The following HUNK variants were observed in gnomAD, a reference collection of about 807,000 sequenced individuals.
The protein encoded by HUNK is hormonally up-regulated Neu-associated kinase.
HUNK carries 21 observed loss-of-function variants against 61.0 expected under a neutral mutation model. The ratio of observed to expected loss-of-function variants is 0.34; its 90% CI spans 0.24 to 0.50. HUNK has a LOEUF of 0.50. Among genes scored for constraint, HUNK ranks in the 20% least tolerant of loss-of-function variants. The probability of loss-of-function intolerance (pLI) is 0.98; values close to 1 mark genes in which losing one functional copy is unlikely to be tolerated. For synonymous variants in HUNK, 371 were observed against 386.1 expected (o/e 0.96, Z 0.46); for missense variants, 772 against 945.7 (o/e 0.82, Z 2.41).
At chr21:31,932,061 CCA>C (rs147471217) in intron 2 of HUNK, among the ~76,000 whole-genome samples, 6,261 of 152,256 alleles carry the variant, frequency 0.041, 161 homozygotes, top group Middle Eastern at 0.12. Flanking sequence ...ATGCACACAC[CCA>C]CACACGTACA....
At chr21:31,959,035 G>C in intron 5 of HUNK, 65 bp downstream of exon 5, 2 of 1,414,338 alleles carry the variant, frequency 1.4e-6, no homozygotes, top group South Asian at 1.6e-5. Flanking sequence ...GGGTCTACCT[G>C]TGAAACAGTA....
Position 31,983,522 on chromosome 21 carries a change from G to T in HUNK, c.1174-4G>T. 1 of 1,611,842 alleles carries T rather than the reference G, an allele frequency of 6.2e-7. No individual in the cohort carries two copies. The highest frequency in any genetic ancestry group is 8.5e-7 in the Non-Finnish European group (1 of 1,178,244). ...GCTGTGCTTTTTCTTTTCTCCTCTG[G>T]TAGAAATCTGACATCCAGGACAGCC... is the stretch of plus-strand genomic sequence containing the variant. On this transcript the variant is annotated splice_polypyrimidine_tract_variant and splice_region_variant and intron_variant, in intron 7 of 10. Transcript: ENST00000270112.
intron 1 of HUNK, among the ~76,000 whole-genome samples, chr21:31,901,585 C>G (rs938161612): frequency 5.3e-5 from 8 of 152,062 alleles, no homozygotes; most frequent in African/African-American, 1.9e-4. Context: ...GGACCCAGGG[C>G]CAGTCACATC....
chr21:31,945,442 G>A (rs1486004774), intron 3 of HUNK, among the ~76,000 whole-genome samples: 1 of 152,114 alleles, frequency 6.6e-6, no homozygotes, highest in Admixed American at 6.5e-5. Flanking sequence ...AGCATTCAGG[G>A]TTGTTTAAAC....
chr21:31,963,925 T>C (rs1224407331), intron 5 of HUNK, among the ~76,000 whole-genome samples: 1 of 152,252 alleles, frequency 6.6e-6, no homozygotes, highest in African/African-American at 2.4e-5. Flanking sequence ...CAGAACATGC[T>C]TCCAAAGAAC....
intron 7 of HUNK, among the ~76,000 whole-genome samples, chr21:31,979,515 CTTTTTTTTTTT>C (rs71193166): frequency 3.9e-3 from 135 of 34,344 alleles, no homozygotes; most frequent in Admixed American, 0.014. Context: ...TGTTTGCATT[CTTTTTTTTTTT>C]TTTTTTTTTT....
intron 6 of HUNK, among the ~76,000 whole-genome samples, chr21:31,969,188 TGTGA>T (rs765669807): frequency 3.5e-4 from 53 of 152,124 alleles, no homozygotes; most frequent in Non-Finnish European, 3.7e-4. Flanking sequence ...GTCCTTGTGT[TGTGA>T]GTGTGTTTGC....
At chr21:31,917,232 GCCCAGGC>G (rs2052589524) in intron 1 of HUNK, among the ~76,000 whole-genome samples, 1 of 151,782 alleles carries the variant, frequency 6.6e-6, no homozygotes, top group South Asian at 2.1e-4. Context: ...TCACTCTGTC[GCCCAGGC>G]TTGAGTGCAG....
intron 3 of HUNK, among the ~76,000 whole-genome samples, chr21:31,942,059 A>G (rs7280790): frequency 0.015 from 2,244 of 152,268 alleles, 56 homozygotes; most frequent in African/African-American, 0.052. Flanking sequence ...AAAATGCAAA[A>G]AGTAGCCAGG....
At chr21:31,957,773 A>C (rs973936674) in intron 4 of HUNK, among the ~76,000 whole-genome samples, 2 of 152,204 alleles carry the variant, frequency 1.3e-5, no homozygotes, top group Non-Finnish European at 2.9e-5. Context: ...ACCACATCTG[A>C]GATGTTGGGT....
intron 7 of HUNK, among the ~76,000 whole-genome samples, chr21:31,981,148 A>C (rs2053095038): frequency 6.6e-6 from 1 of 152,344 alleles, no homozygotes; most frequent in East Asian, 1.9e-4. Flanking sequence ...CAGCTTTGTC[A>C]AAAAGTAATT....
chr21:31,967,592 T>G (rs1162286884), intron 5 of HUNK, among the ~76,000 whole-genome samples: 1 of 152,124 alleles, frequency 6.6e-6, no homozygotes, highest in East Asian at 1.9e-4. Flanking sequence ...CCAGGCGTGG[T>G]GGCTCAGGCC....
intron 1 of HUNK, among the ~76,000 whole-genome samples, chr21:31,884,616 G>T (rs942594751): frequency 6.6e-6 from 1 of 151,584 alleles, no homozygotes; most frequent in Non-Finnish European, 1.5e-5. Flanking sequence ...ATAAATAAAG[G>T]GTGCCTAAAG....
chr21:31,965,591 T>C, intron 5 of HUNK, among the ~76,000 whole-genome samples: 1 of 132,170 alleles, frequency 7.6e-6, no homozygotes, highest in Non-Finnish European at 1.6e-5. Flanking sequence ...GTTCTTTGTT[T>C]TTCTTTTTTT....
At chr21:31,945,911 A>C (rs2052799103) in intron 3 of HUNK, 125 bp from the exon 4 acceptor site, 4 of 945,020 alleles carry the variant, frequency 4.2e-6, no homozygotes, top group Admixed American at 2.4e-5. Flanking sequence ...TAGGATGCTA[A>C]ATGATGTGTT....
chr21:31,955,893 T>G (rs779693405), intron 4 of HUNK, among the ~76,000 whole-genome samples: 1 of 152,222 alleles, frequency 6.6e-6, no homozygotes, highest in Non-Finnish European at 1.5e-5. Context: ...GATTAGGCAC[T>G]CAGAGGTGGT....
intron 8 of HUNK, 121 bp from the exon 9 acceptor site, chr21:31,990,008 C>A: frequency 2.3e-6 from 2 of 867,562 alleles, no homozygotes; most frequent in African/African-American, 1.7e-5. Flanking sequence ...GATTTGCTTT[C>A]TGTCTATGAA....
At chr21:31,986,046 G>A (rs1012582644) in intron 8 of HUNK, among the ~76,000 whole-genome samples, 1 of 152,156 alleles carries the variant, frequency 6.6e-6, no homozygotes. Flanking sequence ...AAGCCCAGGT[G>A]TGGCTTTCAG....
chr21:31,977,399 G>A (rs2053057785), intron 7 of HUNK, among the ~76,000 whole-genome samples: 1 of 152,128 alleles, frequency 6.6e-6, no homozygotes, highest in South Asian at 2.1e-4. Context: ...ATTCAAATGT[G>A]TTTTCATGAA....
Sources: allele counts gnomAD v4.1 joint callset (sites outside exome capture counted in the v4.1 genomes callset), GRCh38; gene constraint gnomAD v4.1.1; transcripts MANE v1.5; gene names NCBI Gene and HGNC (gene_info 2026-07-23, HGNC 2026-07-21).